The following SV2B variants were observed in gnomAD, a reference collection of about 807,000 sequenced individuals.
The protein encoded by SV2B is solute carrier family 22 member B2.
In SV2B, 41 loss-of-function variants were observed where a neutral mutation model predicts 73.9. The ratio of observed to expected loss-of-function variants is 0.56; its 90% CI spans 0.43 to 0.72. SV2B has a LOEUF of 0.72. SV2B is among the 30% of genes least tolerant of loss of function. The pLI, the probability that SV2B is intolerant of heterozygous loss-of-function variation, is 0.00. For missense variants in SV2B, 764 were observed against 857.8 expected (o/e 0.89, Z 1.37); for synonymous variants, 314 against 314.2 (o/e 1.00, Z 0.01).
rs145327100 is a variant in SV2B, at chr15:91,266,174, A to G, written c.1009-408A>G. Among the ~76,000 whole-genome samples, 782 of 152,218 alleles carry G rather than the reference A, an allele frequency of 5.1e-3. 4 individuals are homozygous for G. Among genetic ancestry groups the G allele is most frequent in the African/African-American group, 0.018 (738 of 41,536 alleles). On this transcript the variant is annotated intron_variant, in intron 6 of 12. Coordinates refer to ENST00000394232, the MANE Select transcript of SV2B (RefSeq NM_001323032.3). ...AAAACCAAACAAAAACAAACAAATA[A>G]AAAAAACAAAACCCCCCACTGTTTT... is the stretch of plus-strand genomic sequence containing the variant.
intron 1 of SV2B, among the ~76,000 whole-genome samples, chr15:91,145,228 G>A (rs977211381): frequency 2.0e-5 from 3 of 152,132 alleles, no homozygotes; most frequent in Admixed American, 6.6e-5. Context: ...ACTTATAAGT[G>A]AGAATATGCA....
chr15:91,181,074 G>A (rs913275313), intron 1 of SV2B, among the ~76,000 whole-genome samples: 1 of 152,130 alleles, frequency 6.6e-6, no homozygotes, highest in African/African-American at 2.4e-5. Context: ...GGTTTTTGGT[G>A]TGGATGTCCT....
intron 1 of SV2B, among the ~76,000 whole-genome samples, chr15:91,191,384 C>G (rs953667078): frequency 6.6e-6 from 1 of 152,030 alleles, no homozygotes; most frequent in African/African-American, 2.4e-5. Context: ...TAGAGAGAAC[C>G]CTTCCACCCT....
At position 91,213,188 on chromosome 15, in the gene SV2B, G is replaced by A. The variant is rs549237386; in HGVS notation, c.-391-12685G>A. Among the ~76,000 whole-genome samples, 13 of 152,158 alleles carry A rather than the reference G, an allele frequency of 8.5e-5. No homozygotes were observed. In the South Asian group the frequency reaches 2.7e-3, roughly 32 times the overall value. On this transcript the variant is annotated intron_variant, in intron 1 of 12. Coordinates refer to ENST00000394232, the MANE Select transcript of SV2B (RefSeq NM_001323032.3). ...ATAAACAAAAATAAAAAATAGGAAA[G>A]AGAGAGAATAGAGGAAGTCAGGATG... is the stretch of plus-strand genomic sequence containing the variant.
chr15:91,250,721 T>C (rs1215987305), intron 2 of SV2B, among the ~76,000 whole-genome samples: 1 of 152,112 alleles, frequency 6.6e-6, no homozygotes, highest in Non-Finnish European at 1.5e-5. Context: ...ACAATAACAT[T>C]AAAACATACT....
Position 91,265,732 on chromosome 15 carries a change from C to A in SV2B, c.1009-850C>A, listed in dbSNP as rs971170619. On this transcript the variant is annotated intron_variant, in intron 6 of 12. Transcript: ENST00000394232. This position sits in a 1 kb window ranked among gnomAD's most constrained non-coding sequence, Gnocchi z 4.2. ...GGCGGAAGATCATTTGCAAAGGCTG[C>A]ATAGCTGGGAGTGGCCAGATGAGTC... Among the ~76,000 whole-genome samples, 2 of 152,210 alleles carry A rather than the reference C, an allele frequency of 1.3e-5. No homozygotes were observed. Among genetic ancestry groups the A allele is most frequent in the African/African-American group, 4.8e-5 (2 of 41,448 alleles).
In SV2B at chr15:91,284,415, A is replaced by G. The variant is rs558426409; in HGVS notation, c.1708+194A>G. On this transcript the variant is annotated intron_variant, in intron 11 of 12. Coordinates refer to ENST00000394232, the MANE Select transcript of SV2B (RefSeq NM_001323032.3). This position sits in a 1 kb window ranked among gnomAD's most constrained non-coding sequence, Gnocchi z 4.5. ...CTCCAGGGCTCCTGGGAAATAGTCA[A>G]GAATCTTTGGTCTAGGCGAGGGACT... Among the ~76,000 whole-genome samples the G allele has an allele frequency of 2.2e-4, 34 of 152,340 alleles. No individual in the cohort carries two copies. Among genetic ancestry groups the G allele is most frequent in the Admixed American group, 2.0e-3 (30 of 15,302 alleles).
chr15:91,134,290 C>T (rs2042750488), intron 1 of SV2B, among the ~76,000 whole-genome samples: 1 of 152,098 alleles, frequency 6.6e-6, no homozygotes, highest in African/African-American at 2.4e-5. Context: ...GAGCCACAGG[C>T]CCGGCCTTCT....
At chr15:91,263,605 C>T (rs2048002267) in intron 6 of SV2B, among the ~76,000 whole-genome samples, 2 of 151,722 alleles carry the variant, frequency 1.3e-5, no homozygotes, top group South Asian at 4.2e-4. Flanking sequence ...AAGGCAGACA[C>T]AGGAACACAA....
At chr15:91,134,630 T>C (rs2042762473) in intron 1 of SV2B, among the ~76,000 whole-genome samples, 1 of 152,222 alleles carries the variant, frequency 6.6e-6, no homozygotes, top group South Asian at 2.1e-4. Flanking sequence ...AATGTTTTGC[T>C]TAACATTTAA....
Position 91,267,227 on chromosome 15 carries a change from G to GCAGGGAGTAGAACTCAGCAATATCC in SV2B, c.1120-327_1120-326insAGGGAGTAGAACTCAGCAATATCCC, listed in dbSNP as rs1258411398. Among the ~76,000 whole-genome samples the GCAGGGAGTAGAACTCAGCAATATCC allele has an allele frequency of 6.6e-6, 1 of 152,168 alleles. No homozygotes were observed. The highest frequency in any genetic ancestry group is 2.4e-5 in the African/African-American group (1 of 41,438). ...AGTAAATGTTTGCAATATCCCCCTTGCCCACAGGCAGGGAGTAGAACTCAG... is the reference window on the plus strand; with the variant it reads ...AGTAAATGTTTGCAATATCCCCCTTGCAGGGAGTAGAACTCAGCAATATCCCCCACAGGCAGGGAGTAGAACTCAG... On this transcript the variant is annotated intron_variant, in intron 7 of 12. Coordinates refer to ENST00000394232, the MANE Select transcript of SV2B (RefSeq NM_001323032.3). This position sits in a 1 kb window ranked among gnomAD's most constrained non-coding sequence, Gnocchi z 4.3.
At chr15:91,165,654 G>C (rs1424893558) in intron 1 of SV2B, among the ~76,000 whole-genome samples, 1 of 152,148 alleles carries the variant, frequency 6.6e-6, no homozygotes, top group African/African-American at 2.4e-5. Flanking sequence ...ATCACTGTAG[G>C]AGACAGACCT....
intron 1 of SV2B, among the ~76,000 whole-genome samples, chr15:91,218,770 A>G (rs8043369): frequency 0.34 from 51,721 of 151,868 alleles, 12,867 homozygotes; most frequent in African/African-American, 0.7. Flanking sequence ...TCTTGCCAAA[A>G]CTGACTGCAA....
At position 91,302,508 on chromosome 15, in the gene SV2B, A is replaced by T. The variant is rs79254829; in HGVS notation, c.*9956A>T. 8.3e-3 allele frequency among the ~76,000 whole-genome samples: 1,267 copies of T among 152,292 alleles called. 18 individuals carry two copies. The highest frequency in any genetic ancestry group is 0.052 in the East Asian group (270 of 5,184). On this transcript the variant is annotated 3_prime_UTR_variant, in exon 13 of 13. Coordinates refer to ENST00000394232, the MANE Select transcript of SV2B (RefSeq NM_001323032.3). ...TGAAAGTAGCTATGTGAATTTGCCA[A>T]ATAGAAATCTTGGAGGCCAGGTGCA...
In SV2B at chr15:91,280,349, G is replaced by A. The variant is rs1300574987; in HGVS notation, c.1374-1379G>A. Among the ~76,000 whole-genome samples, 3 of 152,194 alleles carry A rather than the reference G, an allele frequency of 2.0e-5. No homozygotes were observed. Among genetic ancestry groups the A allele is most frequent in the East Asian group, 1.9e-4 (1 of 5,200 alleles). ...CACCCTGTGCTATCTCTGTCATGCC[G>A]ATTTCCACTGTATTGTAGTTGCCTA... On this transcript the variant is annotated intron_variant, in intron 9 of 12. Coordinates refer to ENST00000394232, the MANE Select transcript of SV2B (RefSeq NM_001323032.3). This position sits in a 1 kb window ranked among gnomAD's most constrained non-coding sequence, Gnocchi z 5.8.
chr15:91,176,686 C>T (rs1197265379), intron 1 of SV2B, among the ~76,000 whole-genome samples: 1 of 151,674 alleles, frequency 6.6e-6, no homozygotes, highest in Non-Finnish European at 1.5e-5. Context: ...GCATAAATGT[C>T]TTCTTTTGAG....
At chr15:91,166,818 CT>C (rs758428764) in intron 1 of SV2B, among the ~76,000 whole-genome samples, 3,672 of 139,076 alleles carry the variant, frequency 0.026, 160 homozygotes, top group African/African-American at 0.091. Flanking sequence ...GTTTTCTTTT[CT>C]TTTTTTTTTT....
chr15:91,233,335 G>C (rs938232284), intron 2 of SV2B, among the ~76,000 whole-genome samples: 13 of 152,206 alleles, frequency 8.5e-5, no homozygotes, highest in African/African-American at 2.7e-4. Context: ...TTGGCTGTTA[G>C]CACTAATGTT....
Position 91,139,664 on chromosome 15 carries a change from G to C in SV2B, c.-392+39301G>C, listed in dbSNP as rs2042944757. Among the ~76,000 whole-genome samples the C allele has an allele frequency of 6.6e-6, 1 of 152,188 alleles. No individual in the cohort carries two copies. ...GCAAAAGCAAATTCTGTCTGAAAGA[G>C]AGCACCCTCCATTTAGGTATGTGGG... is the stretch of plus-strand genomic sequence containing the variant. On this transcript the variant is annotated intron_variant, in intron 1 of 12. Transcript: ENST00000394232. The surrounding 1 kb of genome is among the most constrained non-coding windows in gnomAD (Gnocchi z 5.2).
Sources: allele counts gnomAD v4.1 joint callset (sites outside exome capture counted in the v4.1 genomes callset), GRCh38; gene constraint gnomAD v4.1.1; non-coding constraint Gnocchi (gnomAD v3.1); transcripts MANE v1.5; gene names NCBI Gene and HGNC (gene_info 2026-07-23, HGNC 2026-07-21).